The following SIN3A variants were observed in gnomAD, a reference collection of about 807,000 sequenced individuals.
SIN3A encodes the protein paired amphipathic helix protein Sin3a.
In SIN3A, 14 loss-of-function variants were observed where a neutral mutation model predicts 146.1. That is an observed-to-expected ratio of 0.10 (90% CI 0.06 to 0.15). The LOEUF is 0.15. Among genes scored for constraint, SIN3A ranks in the 10% least tolerant of loss-of-function variants. The probability of loss-of-function intolerance (pLI) is 1.00; values close to 1 mark genes in which losing one functional copy is unlikely to be tolerated. For missense variants in SIN3A, 1,028 were observed against 1,576.0 expected, an observed-to-expected ratio of 0.65 and a Z score of 5.89; for synonymous variants, 572 against 572.0, an observed-to-expected ratio of 1.00 and a Z score of 0.00.
chr15:75,396,564 A>G, intron 12 of SIN3A, 68 bp from the exon 13 acceptor site: 1 of 1,137,824 alleles, frequency 8.8e-7, no homozygotes, highest in Non-Finnish European at 1.3e-6. Flanking sequence ...AGTGTTTAGA[A>G]GAATAAGGTA....
intron 1 of SIN3A, among the ~76,000 whole-genome samples, chr15:75,433,122 C>G (rs1027306959): frequency 6.6e-6 from 1 of 152,108 alleles, no homozygotes; most frequent in East Asian, 1.9e-4. Flanking sequence ...AGAAAAAACA[C>G]TAGAGTACCT....
chr15:75,439,316 T>C (rs2074159273), intron 1 of SIN3A, among the ~76,000 whole-genome samples: 1 of 152,026 alleles, frequency 6.6e-6, no homozygotes, highest in Non-Finnish European at 1.5e-5. Flanking sequence ...GAAACCTAAG[T>C]TTAATCATAA....
chr15:75,410,099 T>C (rs1224674887), intron 7 of SIN3A, 35 bp downstream of exon 7: 6 of 1,607,184 alleles, frequency 3.7e-6, no homozygotes, highest in Non-Finnish European at 4.3e-6. Flanking sequence ...AAGATAATAA[T>C]AGTAAATAGT....
intron 14 of SIN3A, 84 bp from the exon 15 acceptor site, chr15:75,392,899 A>G: frequency 1.0e-6 from 1 of 990,056 alleles, no homozygotes; most frequent in East Asian, 2.4e-5. Context: ...CATACATCCC[A>G]TTATCAACCA....
At chr15:75,376,927 A>T (rs1298240703) in intron 19 of SIN3A, among the ~76,000 whole-genome samples, 1 of 151,718 alleles carries the variant, frequency 6.6e-6, no homozygotes, top group Non-Finnish European at 1.5e-5. Context: ...CTTTGTATAC[A>T]AGTATTTCTG....
At position 75,396,003 on chromosome 15, in the gene SIN3A, T is replaced by C. The variant is rs571032962; in HGVS notation, c.2093+255A>G. On this transcript the variant is annotated intron_variant, in intron 13 of 20. Transcript: ENST00000394947. ...TGGGTGGTAATTATCTTCTTTTCTT[T>C]TCTGTATTTTAAAATACTCCCCCAA... Among the ~76,000 whole-genome samples, 43 of 152,254 alleles carry C rather than the reference T, an allele frequency of 2.8e-4. No individual in the cohort carries two copies. In the South Asian group the frequency reaches 8.9e-3, roughly 32 times the overall value.
At position 75,422,905 on chromosome 15, in the gene SIN3A, C is replaced by G. The variant is rs376157466; in HGVS notation, c.190-82G>C. The G allele has an allele frequency of 4.7e-4, 666 of 1,411,858 alleles. 3 individuals are homozygous for G. The African/African-American group carries it at 8.5e-3, about 18-fold the overall frequency. 87.5% of individuals were successfully genotyped at this position (1,411,858 alleles called of 1,614,324 possible). ...TGAGTCTAAATAACTAACACAAATG[C>G]ACAAAGATAATTAATTGGAAACCCA... On this transcript the variant is annotated intron_variant, in intron 2 of 20. Transcript: ENST00000394947.
In SIN3A at chr15:75,392,426, G is replaced by A. The variant is rs761069192; in HGVS notation, c.2667C>T (p.Asn889=). The A allele has an allele frequency of 2.7e-5, 44 of 1,614,204 alleles. No homozygotes were observed. The highest frequency in any genetic ancestry group is 3.6e-5 in the Non-Finnish European group (43 of 1,180,042). ...GTCGCATAAAAATATACCAGTTGTT[G>A]TTGACATAGAAGAGGTTGTATACTT... ...MDEVYNLFYV[N]NNWYIFMRLH... The change falls in exon 15 of 21, where the codon AAC becomes AAT. Residue 889 remains asparagine, a synonymous_variant. Coordinates refer to ENST00000394947, the MANE Select transcript of SIN3A (RefSeq NM_001145358.2).
rs150818977 is a variant in SIN3A, at chr15:75,380,539, T to C, written c.3383+90A>G. ...GCAGATAGAACAAATGAATAAAATA[T>C]GTGAAGGCCAAGAACGTGAAAGTCA... is the stretch of plus-strand genomic sequence containing the variant. On this transcript the variant is annotated intron_variant, in intron 19 of 20. Coordinates refer to ENST00000394947, the MANE Select transcript of SIN3A (RefSeq NM_001145358.2). The C allele has an allele frequency of 9.7e-4, 931 of 964,614 alleles. 16 individuals carry two copies. The South Asian group carries it at 0.012, about 12-fold the overall frequency. 59.8% of individuals were successfully genotyped at this position (964,614 alleles called of 1,614,324 possible).
At chr15:75,415,316 T>A (rs1023030521) in intron 3 of SIN3A, 1 of 152,744 alleles carries the variant, frequency 6.5e-6, no homozygotes, top group Non-Finnish European at 1.5e-5. Flanking sequence ...AGAGCCAGCA[T>A]TCAAAAGTGA....
chr15:75,452,461 C>T (rs975279413), upstream of SIN3A, among the ~76,000 whole-genome samples: 3 of 152,262 alleles, frequency 2.0e-5, no homozygotes, highest in Admixed American at 2.0e-4. Flanking sequence ...AATGAGAACT[C>T]ATCCTTCCGT....
At chr15:75,443,736 TG>T (rs1356118388) in intron 1 of SIN3A, 1 of 151,988 alleles carries the variant, frequency 6.6e-6, no homozygotes. Flanking sequence ...AAAAAGTTGC[TG>T]TAAGTTTTGG....
chr15:75,451,126 C>G (rs2074398923), intron 1 of SIN3A, among the ~76,000 whole-genome samples: 1 of 151,216 alleles, frequency 6.6e-6, no homozygotes, highest in South Asian at 2.1e-4. Context: ...GCACTCAGCG[C>G]GAAGCCGGCC....
chr15:75,409,212 A>C (rs2073579399), intron 8 of SIN3A, among the ~76,000 whole-genome samples: 1 of 152,030 alleles, frequency 6.6e-6, no homozygotes. Context: ...TCAAAAAAAA[A>C]AGAAGGGAAA....
intron 1 of SIN3A, among the ~76,000 whole-genome samples, chr15:75,431,006 G>A (rs2074005412): frequency 6.6e-6 from 1 of 152,152 alleles, no homozygotes; most frequent in African/African-American, 2.4e-5. Flanking sequence ...TCGATCTCCT[G>A]ACCTTGTGAT....
intron 12 of SIN3A, among the ~76,000 whole-genome samples, chr15:75,399,108 G>C (rs2073360099): frequency 6.6e-6 from 1 of 151,856 alleles, no homozygotes; most frequent in Admixed American, 6.6e-5. Context: ...GGCGGGTAGG[G>C]GTGGGGGTCT....
At chr15:75,413,392 A>T (rs1469253254) in intron 4 of SIN3A, among the ~76,000 whole-genome samples, 1 of 152,208 alleles carries the variant, frequency 6.6e-6, no homozygotes, top group African/African-American at 2.4e-5. Context: ...AAGTGCTGGG[A>T]TTACAGGCAT....
At chr15:75,413,182 G>C in intron 4 of SIN3A, 137 bp from the exon 5 acceptor site, 1 of 786,612 alleles carries the variant, frequency 1.3e-6, no homozygotes, top group Non-Finnish European at 1.9e-6. Context: ...GTGCAATCTT[G>C]GGGTCTTGGC....
Position 75,401,004 on chromosome 15 carries a change from A to G in SIN3A, c.1527-64T>C, listed in dbSNP as rs566255190. ...CAGGATGCAGTTATCCTGAGGTATG[A>G]CTACTACCATCTGGTTTTGGATCAG... is the stretch of plus-strand genomic sequence containing the variant. On this transcript the variant is annotated intron_variant, in intron 10 of 20. Transcript: ENST00000394947. The G allele has an allele frequency of 1.9e-4, 212 of 1,122,514 alleles. 2 individuals carry two copies. In the African/African-American group the frequency reaches 2.9e-3, roughly 15 times the overall value. 69.5% of individuals were successfully genotyped at this position (1,122,514 alleles called of 1,614,324 possible). A position where few individuals can be genotyped will look rare whatever the true frequency, so the allele number is the denominator to read the frequency against.
Sources: allele counts gnomAD v4.1 joint callset (sites outside exome capture counted in the v4.1 genomes callset), GRCh38; gene constraint gnomAD v4.1.1; transcripts MANE v1.5; gene names NCBI Gene and HGNC (gene_info 2026-07-23, HGNC 2026-07-21).